PCDHA5: variants seen among roughly 807,000 people sequenced by gnomAD.
PCDHA5 encodes protocadherin alpha 5.
In PCDHA5, 43 loss-of-function variants were observed where a neutral mutation model predicts 61.6. That is an observed-to-expected ratio of 0.70 (90% CI 0.55 to 0.90). The LOEUF (loss-of-function observed/expected upper bound fraction) is 0.90. Ranked by LOEUF, PCDHA5 falls within the 40% of genes least tolerant of loss-of-function variation. PCDHA5 has a pLI of 0.00. For missense variants in PCDHA5, 1,298 were observed against 1,222.7 expected, an observed-to-expected ratio of 1.06 and a Z score of -0.92; for synonymous variants, 627 against 543.9, an observed-to-expected ratio of 1.15 and a Z score of -2.13.
intron 1 of PCDHA5, chr5:140,848,617 A>C (rs2150415016): frequency 6.3e-7 from 1 of 1,593,554 alleles, no homozygotes; most frequent in South Asian, 1.1e-5. Flanking sequence ...GAAGCCGAAC[A>C]CGGCACCTTC....
At chr5:140,948,620 TTAA>T (rs1422284059) in intron 1 of PCDHA5, among the ~76,000 whole-genome samples, 3 of 151,714 alleles carry the variant, frequency 2.0e-5, no homozygotes, top group Non-Finnish European at 4.4e-5. Context: ...CACAAAGTTG[TTAA>T]TAATATTCTC....
chr5:140,875,917 G>A, intron 1 of PCDHA5: 1 of 1,614,146 alleles, frequency 6.2e-7, no homozygotes, highest in Non-Finnish European at 8.5e-7. Flanking sequence ...TGCGCCTCTG[G>A]ACTCTCATTT....
intron 1 of PCDHA5, chr5:140,851,502 T>C (rs1581260413): frequency 6.6e-6 from 6 of 903,186 alleles, no homozygotes; most frequent in Middle Eastern, 1.2e-3. Context: ...TTTCAACTTA[T>C]ATAAAATATG....
At chr5:140,927,200 AC>A in intron 1 of PCDHA5, 1 of 1,614,014 alleles carries the variant, frequency 6.2e-7, no homozygotes, top group Non-Finnish European at 8.5e-7. Context: ...GTGCTCGAGG[AC>A]CCGCTGGAGC....
At chr5:140,832,322 A>C (rs187612308) in intron 1 of PCDHA5, among the ~76,000 whole-genome samples, 11 of 152,360 alleles carry the variant, frequency 7.2e-5, no homozygotes, top group African/African-American at 2.4e-4. Context: ...CTTAAGGGCC[A>C]TTAGAGGACT....
chr5:140,982,487 A>G lies in PCDHA5; in HGVS notation c.2424A>G (p.Leu808=), dbSNP rs1417892860. 3 of 1,614,078 alleles carry G rather than the reference A, an allele frequency of 1.9e-6. No homozygotes were observed. Among genetic ancestry groups the G allele is most frequent in the Non-Finnish European group, 2.5e-6 (3 of 1,180,034 alleles). Residue 808 remains leucine (L), a synonymous_variant, in exon 3 of 4, where the codon CTA becomes CTG. Coordinates refer to ENST00000529859, the MANE Select transcript of PCDHA5 (RefSeq NM_018908.3). ...TGTGTTTATTCAGCTCTGTGCACCTAGAGGAGGCTGGCATTCTACGGGCTG... is the reference window on the plus strand; with the variant it reads ...TGTGTTTATTCAGCTCTGTGCACCTGGAGGAGGCTGGCATTCTACGGGCTG... The part of the protein sequence containing the change: ...LRAGMHSSVH[L]EEAGILRAGP...
chr5:141,001,825 CAG>C (rs1244261427), intron 3 of PCDHA5, among the ~76,000 whole-genome samples: 1 of 151,674 alleles, frequency 6.6e-6, no homozygotes, highest in Non-Finnish European at 1.5e-5. Flanking sequence ...CAAATTCTGA[CAG>C]AGAGGGAGAC....
At position 140,852,582 on chromosome 5, in the gene PCDHA5, A is replaced by ATTT. The variant is rs527656692; in HGVS notation, c.2352+28465_2352+28467dup. The ATTT allele has an allele frequency of 5.4e-4, 378 of 693,802 alleles. 2 individuals carry two copies. The highest frequency in any genetic ancestry group is 7.4e-4 in the Middle Eastern group (1 of 1,344). The allele number at this position is 693,802 out of a possible 1,614,324, so 43.0% of individuals were successfully genotyped here. On this transcript the variant is annotated intron_variant, in intron 1 of 3. Coordinates refer to ENST00000529859, the MANE Select transcript of PCDHA5 (RefSeq NM_018908.3). ...TGAGCCACTGTGCCAAGGCTTTTTTATTTTTTTTTTTTGTCATTTTCTTTC... is the reference window on the plus strand; with the variant it reads ...TGAGCCACTGTGCCAAGGCTTTTTTATTTTTTTTTTTTTTTGTCATTTTCTTTC...
chr5:140,987,563 T>C (rs2097259374), intron 3 of PCDHA5, among the ~76,000 whole-genome samples: 1 of 152,226 alleles, frequency 6.6e-6, no homozygotes, highest in Non-Finnish European at 1.5e-5. Context: ...ATTCTCAGTT[T>C]CTTTCTCTAT....
At chr5:140,870,292 G>A (rs782159013) in intron 1 of PCDHA5, 1 of 1,614,176 alleles carries the variant, frequency 6.2e-7, no homozygotes, top group Non-Finnish European at 8.5e-7. Context: ...CTTCAAGCTG[G>A]TGTCCACCTT....
In PCDHA5 at chr5:140,870,216, C is replaced by G. The variant is rs1554163914; in HGVS notation, c.2352+46089C>G. On this transcript the variant is annotated intron_variant, in intron 1 of 3. Transcript: ENST00000529859. Reference sequence around the variant, plus strand: ...AGCCCAGCACGGTCATTGCCCTGATCAGCGTGTCTGACCGTGACTCAGGTG... The same window carrying G: ...AGCCCAGCACGGTCATTGCCCTGATGAGCGTGTCTGACCGTGACTCAGGTG... 3 of 1,614,070 alleles carry G rather than the reference C, an allele frequency of 1.9e-6. No homozygotes were observed. Among genetic ancestry groups the G allele is most frequent in the Admixed American group, 3.3e-5 (2 of 60,012 alleles).
At chr5:140,872,573 C>T (rs1400699707) in intron 1 of PCDHA5, among the ~76,000 whole-genome samples, 1 of 152,068 alleles carries the variant, frequency 6.6e-6, no homozygotes, top group African/African-American at 2.4e-5. Flanking sequence ...GCTGCAGTGA[C>T]CTATCATCGT....
At chr5:140,876,231 A>G (rs1428769390) in intron 1 of PCDHA5, 1 of 1,613,886 alleles carries the variant, frequency 6.2e-7, no homozygotes, top group African/African-American at 1.3e-5. Context: ...TGTTGTCTGA[A>G]AATGTCCAAA....
intron 1 of PCDHA5, chr5:140,836,453 G>C: frequency 6.2e-7 from 1 of 1,613,854 alleles, no homozygotes; most frequent in Non-Finnish European, 8.5e-7. Context: ...CAGGCCCAGA[G>C]ACCGAGCTGG....
chr5:140,829,414 G>T lies in PCDHA5; in HGVS notation c.2352+5287G>T, dbSNP rs2150167500. On this transcript the variant is annotated intron_variant, in intron 1 of 3. Transcript: ENST00000529859. ...CTTCGCTGTGGGCCACCGCCAGCTTGTCTGTGGAGGTGGCCGACATGAATG... is the reference window on the plus strand; with the variant it reads ...CTTCGCTGTGGGCCACCGCCAGCTTTTCTGTGGAGGTGGCCGACATGAATG... 5.0e-6 allele frequency: 8 copies of T among 1,614,162 alleles called. No homozygotes were observed. In the East Asian group the frequency reaches 1.8e-4, roughly 36 times the overall value.
In PCDHA5 at chr5:141,010,916, A is replaced by G. The variant is rs1554263193; in HGVS notation, c.*979A>G. The G allele has an allele frequency of 6.5e-6, 1 of 153,780 alleles. No individual in the cohort carries two copies. The highest frequency in any genetic ancestry group is 2.4e-5 in the African/African-American group (1 of 41,454). 9.5% of individuals were successfully genotyped at this position (153,780 alleles called of 1,614,324 possible). On this transcript the variant is annotated 3_prime_UTR_variant, in exon 4 of 4. Transcript: ENST00000529859. ...ATACAATTCCCCTAAACTCTCCTCAAAAGAGAATTCAGTCTACAGCCATTT... is the reference window on the plus strand; with the variant it reads ...ATACAATTCCCCTAAACTCTCCTCAGAAGAGAATTCAGTCTACAGCCATTT...
intron 1 of PCDHA5, chr5:140,884,152 T>A: frequency 6.2e-7 from 1 of 1,613,450 alleles, no homozygotes; most frequent in Non-Finnish European, 8.5e-7. Context: ...GGCTGTACAC[T>A]GGCGAGATCA....
intron 1 of PCDHA5, chr5:140,835,486 T>C: frequency 6.2e-7 from 1 of 1,613,894 alleles, no homozygotes. Flanking sequence ...CCAGGTACCG[T>C]CATCACATTG....
rs1374151299 is a variant in PCDHA5 at position 141,010,790 on chromosome 5, A to G, written c.*853A>G. The G allele has an allele frequency of 2.0e-5, 3 of 153,822 alleles. No homozygotes were observed. Among genetic ancestry groups the G allele is most frequent in the Admixed American group, 6.5e-5 (1 of 15,286 alleles). The allele number at this position is 153,822 out of a possible 1,614,324, so 9.5% of individuals were successfully genotyped here. Reference sequence around the variant, plus strand: ...CTTTTCCAATACTTATGCAAAAGCAAAAGAAAACCCCGACACCTCACCTTT... The same window carrying G: ...CTTTTCCAATACTTATGCAAAAGCAGAAGAAAACCCCGACACCTCACCTTT... On this transcript the variant is annotated 3_prime_UTR_variant, in exon 4 of 4. Coordinates refer to ENST00000529859, the MANE Select transcript of PCDHA5 (RefSeq NM_018908.3).
Sources: gnomAD v4.1 joint callset for allele counts (sites outside exome capture counted in the v4.1 genomes callset) on GRCh38, gnomAD v4.1.1 for gene constraint, MANE v1.5 for transcripts, NCBI Gene and HGNC (gene_info 2026-07-23, HGNC 2026-07-21) for gene names.